Variants in PPIL6 observed in about 807,000 individuals in gnomAD.
PPIL6 encodes the protein peptidylprolyl isomerase like 6, also known as probable inactive peptidyl-prolyl cis-trans isomerase-like 6.
PPIL6 carries 39 observed loss-of-function variants against 36.8 expected under a neutral mutation model. The observed-to-expected ratio is 1.06, with a 90% CI of 0.82 to 1.38. PPIL6 has a LOEUF of 1.38. PPIL6 is among the 40% of genes most tolerant of loss of function. The pLI, the probability that PPIL6 is intolerant of heterozygous loss-of-function variation, is 0.00. For synonymous variants in PPIL6, 123 were observed against 134.1 expected (o/e 0.92, Z 0.57); for missense variants, 368 against 379.1 (o/e 0.97, Z 0.24).
intron 6 of PPIL6, 124 bp from the exon 7 acceptor site, chr6:109,400,294 T>C (rs760543567): frequency 3.0e-5 from 22 of 740,342 alleles, no homozygotes; most frequent in Non-Finnish European, 4.5e-5. Context: ...GGATTCCAAA[T>C]TGTAAATATT....
chr6:109,409,649 CAA>C (rs549618976), intron 6 of PPIL6, among the ~76,000 whole-genome samples: 243 of 151,304 alleles, frequency 1.6e-3, no homozygotes, highest in African/African-American at 5.6e-3. Context: ...AGACTCCACA[CAA>C]AAGTCTATTA....
At position 109,423,441 on chromosome 6, in the gene PPIL6, T is replaced by C. The variant is rs907451199; in HGVS notation, c.631+3406A>G. Among the ~76,000 whole-genome samples the C allele has an allele frequency of 3.3e-5, 5 of 152,238 alleles. No individual in the cohort carries two copies. In the South Asian group the frequency reaches 1.0e-3, roughly 32 times the overall value. On this transcript the variant is annotated intron_variant, in intron 5 of 7. Transcript: ENST00000521072. ...AGCCAGTTAATAAAATTTTCCTCTA[T>C]CCATTTTAAAGTGTGTTGGATGTAT... is the stretch of plus-strand genomic sequence containing the variant.
chr6:109,418,985 G>A, intron 6 of PPIL6, among the ~76,000 whole-genome samples: 1 of 152,070 alleles, frequency 6.6e-6, no homozygotes, highest in East Asian at 1.9e-4. Context: ...AATATCATTA[G>A]GTAAGTGAAA....
chr6:109,435,496 C>A (rs1019970125), intron 2 of PPIL6, among the ~76,000 whole-genome samples: 2 of 152,070 alleles, frequency 1.3e-5, no homozygotes, highest in Admixed American at 1.3e-4. Flanking sequence ...CGGAGTTTCA[C>A]CACGTTGGCC....
chr6:109,410,537 C>T (rs1398542727), intron 6 of PPIL6, among the ~76,000 whole-genome samples: 1 of 152,162 alleles, frequency 6.6e-6, no homozygotes, highest in Non-Finnish European at 1.5e-5. Flanking sequence ...CTTCAAATCC[C>T]AAACTCCTAC....
intron 3 of PPIL6, among the ~76,000 whole-genome samples, chr6:109,428,565 A>C (rs981329772): frequency 9.2e-5 from 14 of 152,048 alleles, no homozygotes; most frequent in South Asian, 6.2e-4. Flanking sequence ...AAAAAAAAAA[A>C]AAAAAACCAC....
chr6:109,400,921 G>A (rs968148739), intron 6 of PPIL6, among the ~76,000 whole-genome samples: 2 of 151,802 alleles, frequency 1.3e-5, no homozygotes, highest in Non-Finnish European at 2.9e-5. Context: ...GTGCAGTGGT[G>A]CGATCTCAGC....
chr6:109,426,700 C>T (rs898768048), intron 5 of PPIL6, 147 bp downstream of exon 5: 2 of 457,110 alleles, frequency 4.4e-6, no homozygotes, highest in African/African-American at 4.0e-5. Flanking sequence ...AAATATCTTA[C>T]TTCATTATTT....
intron 1 of PPIL6, among the ~76,000 whole-genome samples, chr6:109,439,947 T>C (rs914135726): frequency 2.0e-5 from 3 of 152,192 alleles, no homozygotes; most frequent in Admixed American, 6.5e-5. Context: ...CCAAAGCACT[T>C]GTGAAGCATC....
intron 1 of PPIL6, among the ~76,000 whole-genome samples, chr6:109,437,673 G>A (rs928957012): frequency 2.0e-5 from 3 of 146,934 alleles, no homozygotes; most frequent in African/African-American, 7.5e-5. Flanking sequence ...TCCTACCTCA[G>A]CCTCCCAAGT....
intron 7 of PPIL6, among the ~76,000 whole-genome samples, chr6:109,395,607 CTT>C (rs765163208): frequency 1.2e-4 from 13 of 111,100 alleles, no homozygotes; most frequent in Middle Eastern, 4.5e-3. Flanking sequence ...ACTCTAACTT[CTT>C]TTTTTTTTTT....
chr6:109,396,904 A>C (rs1772326411), intron 7 of PPIL6, among the ~76,000 whole-genome samples: 1 of 151,862 alleles, frequency 6.6e-6, no homozygotes, highest in Non-Finnish European at 1.5e-5. Context: ...TCAGAGAGGA[A>C]TATTCTTTAT....
At chr6:109,440,820 G>A (rs1468593911), upstream of PPIL6, 1 of 374,236 alleles carries the variant, frequency 2.7e-6, no homozygotes, top group South Asian at 7.3e-5. Context: ...CCGCCCACCC[G>A]GGGGCGCTCT....
chr6:109,416,673 G>A (rs1773274777), intron 6 of PPIL6, among the ~76,000 whole-genome samples: 1 of 151,992 alleles, frequency 6.6e-6, no homozygotes, highest in South Asian at 2.1e-4. Context: ...CATTTTTAAA[G>A]CCAAACTTTT....
At chr6:109,414,118 G>A (rs1773134221) in intron 6 of PPIL6, among the ~76,000 whole-genome samples, 1 of 152,186 alleles carries the variant, frequency 6.6e-6, no homozygotes. Flanking sequence ...TAATTGGATT[G>A]TAACACACAG....
At chr6:109,424,756 G>A (rs10872033) in intron 5 of PPIL6, among the ~76,000 whole-genome samples, 5 of 152,082 alleles carry the variant, frequency 3.3e-5, no homozygotes, top group African/African-American at 9.6e-5. Context: ...GACCTCTGGT[G>A]GTCCTCACTG....
At chr6:109,405,440 T>C (rs1215491091) in intron 6 of PPIL6, among the ~76,000 whole-genome samples, 2 of 152,234 alleles carry the variant, frequency 1.3e-5, no homozygotes, top group African/African-American at 4.8e-5. Flanking sequence ...CTATTACTAA[T>C]GAACCTGAGC....
chr6:109,417,383 A>AT (rs35207179), intron 6 of PPIL6, among the ~76,000 whole-genome samples: 41 of 144,406 alleles, frequency 2.8e-4, no homozygotes, highest in South Asian at 6.6e-4. Flanking sequence ...CCCTGTCTCT[A>AT]TTTTTTTTTT....
chr6:109,396,391 T>C (rs946056899), intron 7 of PPIL6, among the ~76,000 whole-genome samples: 6 of 152,152 alleles, frequency 3.9e-5, no homozygotes, highest in East Asian at 1.9e-4. Context: ...CCGCAGTCCA[T>C]TGGGAGTTGG....
Sources: allele counts gnomAD v4.1 joint callset (sites outside exome capture counted in the v4.1 genomes callset), GRCh38; gene constraint gnomAD v4.1.1; transcripts MANE v1.5; gene names NCBI Gene and HGNC (gene_info 2026-07-23, HGNC 2026-07-21).